BICRAL: variants seen among roughly 807,000 people sequenced by gnomAD.
BICRAL encodes BRD4-interacting chromatin-remodeling complex-associated protein-like.
In BICRAL, 8 loss-of-function variants were observed where a neutral mutation model predicts 91.8. That is an observed-to-expected ratio of 0.09 (90% CI 0.05 to 0.16). BICRAL has a LOEUF of 0.16. Ranked by LOEUF, BICRAL falls within the 10% of genes least tolerant of loss-of-function variation. The pLI is 1.00. For missense variants in BICRAL, 1,038 were observed against 1,310.9 expected (o/e 0.79, Z 3.21); for synonymous variants, 445 against 491.1 (o/e 0.91, Z 1.24).
intron 1 of BICRAL, among the ~76,000 whole-genome samples, chr6:42,791,634 T>G (rs1333485067): frequency 6.6e-6 from 1 of 152,220 alleles, no homozygotes; most frequent in Non-Finnish European, 1.5e-5. Context: ...GTTTGGTTTT[T>G]GTTTTTGTTT....
intron 1 of BICRAL, among the ~76,000 whole-genome samples, chr6:42,765,148 G>C (rs1404413597): frequency 6.6e-6 from 1 of 152,184 alleles, no homozygotes; most frequent in African/African-American, 2.4e-5. Context: ...GAACCTATTT[G>C]TGCTGCAGAG....
chr6:42,847,944 A>C, intron 6 of BICRAL, among the ~76,000 whole-genome samples: 1 of 152,066 alleles, frequency 6.6e-6, no homozygotes, highest in Non-Finnish European at 1.5e-5. Flanking sequence ...CCTCGCTCAC[A>C]CAGTGAAACC....
chr6:42,783,090 G>A (rs111665865), intron 1 of BICRAL, among the ~76,000 whole-genome samples: 53 of 151,584 alleles, frequency 3.5e-4, no homozygotes, highest in African/African-American at 1.3e-3. Flanking sequence ...GCAGGTCCGG[G>A]GTGCGGCGGG....
At chr6:42,858,819 AAAATAAAT>A (rs1418033512) in intron 10 of BICRAL, among the ~76,000 whole-genome samples, 1 of 152,056 alleles carries the variant, frequency 6.6e-6, no homozygotes, top group Non-Finnish European at 1.5e-5. Context: ...CTCCATCTAA[AAAATAAAT>A]AAATAAATAA....
At chr6:42,762,489 A>G (rs76571157) in intron 1 of BICRAL, among the ~76,000 whole-genome samples, 2,534 of 152,318 alleles carry the variant, frequency 0.017, 83 homozygotes, top group African/African-American at 0.058. Context: ...TTTACAGATA[A>G]GGGCATGTAA....
At chr6:42,770,414 T>TAA (rs200926824) in intron 1 of BICRAL, among the ~76,000 whole-genome samples, 1 of 79,638 alleles carries the variant, frequency 1.3e-5, no homozygotes, top group African/African-American at 5.9e-5. Context: ...TTATTATTAT[T>TAA]TTTTTTTTTT....
At chr6:42,757,405 C>T (rs1187360005) in intron 1 of BICRAL, among the ~76,000 whole-genome samples, 1 of 152,070 alleles carries the variant, frequency 6.6e-6, no homozygotes, top group Non-Finnish European at 1.5e-5. Flanking sequence ...GCGCCTGCCA[C>T]AACGCCCCAG....
At chr6:42,850,794 G>A (rs1435259346) in intron 6 of BICRAL, among the ~76,000 whole-genome samples, 3 of 152,068 alleles carry the variant, frequency 2.0e-5, no homozygotes, top group East Asian at 3.9e-4. Flanking sequence ...ACTTGAACTC[G>A]GGAGGCGGAG....
chr6:42,781,563 T>C (rs1762905749), upstream of BICRAL, among the ~76,000 whole-genome samples: 1 of 131,412 alleles, frequency 7.6e-6, no homozygotes, highest in African/African-American at 2.7e-5. Flanking sequence ...ATCTCCCCCC[T>C]TCCCGTGTCA....
Position 42,825,858 on chromosome 6 carries a change from G to T in BICRAL, c.160-2635G>T, listed in dbSNP as rs538735468. 1.5e-3 allele frequency among the ~76,000 whole-genome samples: 232 copies of T among 152,198 alleles called. 1 individual carries two copies. Among genetic ancestry groups the T allele is most frequent in the African/African-American group, 5.3e-3 (218 of 41,506 alleles). On this transcript the variant is annotated intron_variant, in intron 5 of 12. Coordinates refer to ENST00000314073, the MANE Select transcript of BICRAL (RefSeq NM_001393499.1). ...CACTTGTGAGAGGCCGAAGTAGGTG[G>T]ATCACCTGAGGTGAGGAGTTCAAGA...
chr6:42,817,013 CA>C (rs368409842), intron 2 of BICRAL, among the ~76,000 whole-genome samples: 2,507 of 115,250 alleles, frequency 0.022, 28 homozygotes, highest in South Asian at 0.035. Context: ...GACTCCATCT[CA>C]AAAAAAAAAA....
intron 1 of BICRAL, among the ~76,000 whole-genome samples, chr6:42,770,784 G>A (rs1419075271): frequency 6.6e-6 from 1 of 151,648 alleles, no homozygotes; most frequent in Admixed American, 6.6e-5. Context: ...TCCACCTCCC[G>A]AGTTCAAGTG....
chr6:42,808,492 A>G (rs1763773725), intron 1 of BICRAL, among the ~76,000 whole-genome samples: 1 of 152,164 alleles, frequency 6.6e-6, no homozygotes, highest in African/African-American at 2.4e-5. Flanking sequence ...TAAAATAATC[A>G]TGGATGTCTT....
intron 1 of BICRAL, among the ~76,000 whole-genome samples, chr6:42,787,987 T>C (rs990463530): frequency 6.6e-6 from 1 of 151,840 alleles, no homozygotes; most frequent in Non-Finnish European, 1.5e-5. Flanking sequence ...CTCAACCTAC[T>C]GGGCTCAAGT....
chr6:42,755,458 C>A (rs1461020192), intron 1 of BICRAL, among the ~76,000 whole-genome samples: 1 of 152,150 alleles, frequency 6.6e-6, no homozygotes, highest in East Asian at 1.9e-4. Flanking sequence ...CTCCCCAAGA[C>A]CCTCACTGCC....
intron 1 of BICRAL, among the ~76,000 whole-genome samples, chr6:42,787,785 A>T (rs1463781007): frequency 6.6e-6 from 1 of 152,172 alleles, no homozygotes; most frequent in Non-Finnish European, 1.5e-5. Context: ...GAGAATAGGA[A>T]GTGAGGTGAA....
intron 1 of BICRAL, among the ~76,000 whole-genome samples, chr6:42,758,709 G>T (rs1406386257): frequency 1.5e-5 from 2 of 135,938 alleles, no homozygotes; most frequent in Admixed American, 1.5e-4. Context: ...GAGTCGGGGG[G>T]TCCAAAAAAA....
intron 1 of BICRAL, among the ~76,000 whole-genome samples, chr6:42,806,573 C>T (rs577757419): frequency 4.7e-5 from 7 of 148,888 alleles, no homozygotes; most frequent in South Asian, 4.2e-4. Flanking sequence ...AGTGCAATGG[C>T]GCCATCTTGG....
rs1386380502 is a variant in BICRAL at position 42,851,046 on chromosome 6, G to A, written c.1840-1046G>A. ...CTAAAAATAGAAAAATTAGCCGGAC[G>A]TGGTGGCATGCACCTGTAATCCCAG... On this transcript the variant is annotated intron_variant, in intron 6 of 12. Coordinates refer to ENST00000314073, the MANE Select transcript of BICRAL (RefSeq NM_001393499.1). Among the ~76,000 whole-genome samples the A allele has an allele frequency of 2.7e-5, 4 of 150,900 alleles. No homozygotes were observed. The South Asian group carries it at 6.3e-4, about 24-fold the overall frequency.
Sources: gnomAD v4.1 joint callset for allele counts (sites outside exome capture counted in the v4.1 genomes callset) on GRCh38, gnomAD v4.1.1 for gene constraint, MANE v1.5 for transcripts, NCBI Gene and HGNC (gene_info 2026-07-23, HGNC 2026-07-21) for gene names.